VWA3B: variants seen among roughly 807,000 people sequenced by gnomAD.
VWA3B encodes von Willebrand factor A domain-containing protein 3B.
VWA3B carries 138 observed loss-of-function variants against 158.3 expected under a neutral mutation model. The observed-to-expected ratio is 0.87, with a 90% CI of 0.76 to 1.00. The LOEUF (loss-of-function observed/expected upper bound fraction) is 1.00. Ranked by LOEUF, VWA3B falls within the 50% of genes least tolerant of loss-of-function variation. The pLI, the probability that VWA3B is intolerant of heterozygous loss-of-function variation, is 0.00. For synonymous variants in VWA3B, 596 were observed against 587.3 expected, an observed-to-expected ratio of 1.01 and a Z score of -0.21; for missense variants, 1,555 against 1,565.1, an observed-to-expected ratio of 0.99 and a Z score of 0.11.
downstream of VWA3B, among the ~76,000 whole-genome samples, chr2:98,315,861 T>G: frequency 6.6e-6 from 1 of 152,212 alleles, no homozygotes; most frequent in East Asian, 1.9e-4. Flanking sequence ...ACGAAGGATA[T>G]AAATTTAATA....
At chr2:98,328,804 CA>C in the VWA3B span, among the ~76,000 whole-genome samples, 2,139 of 152,266 alleles carry the variant, frequency 0.014, 31 homozygotes, top group Non-Finnish European at 0.024. Flanking sequence ...ATAGTTCCAG[CA>C]GGTTTGTTGA....
intron 12 of VWA3B, among the ~76,000 whole-genome samples, chr2:98,210,705 T>C (rs535027739): frequency 1.3e-5 from 2 of 152,262 alleles, no homozygotes; most frequent in African/African-American, 4.8e-5. Context: ...TGGATCTTTG[T>C]CATTCCTTAG....
At position 98,300,191 on chromosome 2, in the gene VWA3B, C is replaced by G. The variant is rs1182112972; in HGVS notation, c.3395C>G (p.Thr1132Arg). 6.2e-7 allele frequency: 1 copy of G among 1,614,240 alleles called. No individual in the cohort carries two copies. The highest frequency in any genetic ancestry group is 8.5e-7 in the Non-Finnish European group (1 of 1,180,044). The change falls in exon 25 of 28, where the codon ACA (threonine) becomes AGA (arginine). Residue 1132 changes from threonine (T) to arginine (R), a missense_variant. Thr to Arg is a moderately conservative substitution (Grantham distance 71, BLOSUM62 -1). Transcript: ENST00000477737. ...CATGTGGCCACAGAAAAATTCTACA[C>G]AGTTTTGAAGTGTAACAACCGGAGA... is the stretch of plus-strand genomic sequence containing the variant. ...NKHVATEKFY[T>R]VLKCNNRREF... is the part of the protein sequence containing the mutation.
intron 8 of VWA3B, among the ~76,000 whole-genome samples, chr2:98,175,898 T>C (rs1679972730): frequency 6.6e-6 from 1 of 152,214 alleles, no homozygotes; most frequent in Admixed American, 6.5e-5. Flanking sequence ...ATTTCTTGGC[T>C]CCCCTGCAGT....
intron 25 of VWA3B, among the ~76,000 whole-genome samples, chr2:98,302,849 G>T (rs953148269): frequency 1.3e-5 from 2 of 152,192 alleles, no homozygotes; most frequent in Non-Finnish European, 2.9e-5. Flanking sequence ...CATGGGAAAT[G>T]AAATTTAGGG....
At chr2:98,248,933 C>T (rs1198486943) in intron 19 of VWA3B, among the ~76,000 whole-genome samples, 2 of 138,902 alleles carry the variant, frequency 1.4e-5, no homozygotes, top group African/African-American at 2.6e-5. Flanking sequence ...CCTTCCTTCC[C>T]TCTTTGTATT....
intron 14 of VWA3B, among the ~76,000 whole-genome samples, chr2:98,223,680 A>T (rs1338022528): frequency 1.3e-5 from 2 of 152,238 alleles, no homozygotes; most frequent in Non-Finnish European, 2.9e-5. Flanking sequence ...GTTTTCAAGT[A>T]TGAAAGGAAA....
In VWA3B at chr2:98,188,000, C is replaced by G; in HGVS notation, c.1337C>G (p.Ala446Gly). ...SAETNKKTVH[A>G]KYCSRFVHAP... Reference sequence around the variant, plus strand: ...GAGACGAACAAGAAGACAGTCCATGCAAAATATTGCAGCAGGTTTGTCCAT... The same window carrying G: ...GAGACGAACAAGAAGACAGTCCATGGAAAATATTGCAGCAGGTTTGTCCAT... The change falls in exon 10 of 28, where the codon GCA becomes GGA. Residue 446 changes from alanine (A) to glycine (G), a missense_variant. Transcript: ENST00000477737. 2 of 1,613,424 alleles carry G rather than the reference C, an allele frequency of 1.2e-6. No homozygotes were observed. The highest frequency in any genetic ancestry group is 1.7e-6 in the Non-Finnish European group (2 of 1,179,772).
At chr2:98,296,807 T>G (rs1689827817) in intron 23 of VWA3B, among the ~76,000 whole-genome samples, 2 of 152,134 alleles carry the variant, frequency 1.3e-5, no homozygotes, top group Admixed American at 1.3e-4. Flanking sequence ...TCAAGTCGGA[T>G]AAATTACAAA....
intron 1 of VWA3B, among the ~76,000 whole-genome samples, chr2:98,092,514 G>A (rs776441729): frequency 9.2e-5 from 14 of 151,850 alleles, no homozygotes; most frequent in South Asian, 2.1e-4. Context: ...ATGGTGGCAC[G>A]CGCCTGTAAT....
At chr2:98,097,446 A>G (rs1481886818) in intron 2 of VWA3B, among the ~76,000 whole-genome samples, 1 of 152,128 alleles carries the variant, frequency 6.6e-6, no homozygotes, top group Non-Finnish European at 1.5e-5. Context: ...TTCTTTTTTT[A>G]TGCCTGAGTA....
chr2:98,108,384 T>G (rs777651630), intron 2 of VWA3B, among the ~76,000 whole-genome samples: 3 of 152,238 alleles, frequency 2.0e-5, no homozygotes, highest in Non-Finnish European at 4.4e-5. Context: ...TGTTCATTGA[T>G]GGTGTTGAGT....
chr2:98,096,347 C>T (rs144728293), intron 2 of VWA3B, among the ~76,000 whole-genome samples: 11 of 152,220 alleles, frequency 7.2e-5, no homozygotes, highest in African/African-American at 2.2e-4. Flanking sequence ...TGGCTCACTG[C>T]AACCTCTGCC....
intron 10 of VWA3B, among the ~76,000 whole-genome samples, chr2:98,191,404 C>T (rs1681558955): frequency 6.6e-6 from 1 of 152,082 alleles, no homozygotes; most frequent in African/African-American, 2.4e-5. Context: ...TACTGGATGC[C>T]AGGCATTTTA....
At chr2:98,270,566 A>G (rs1688136147) in intron 21 of VWA3B, 116 bp from the exon 22 acceptor site, 1 of 1,053,250 alleles carries the variant, frequency 9.5e-7, no homozygotes, top group Non-Finnish European at 1.4e-6. Context: ...GCTTCAACAG[A>G]TGTTTCTCAG....
chr2:98,163,273 C>A (rs564232655), intron 8 of VWA3B, among the ~76,000 whole-genome samples: 2 of 152,332 alleles, frequency 1.3e-5, no homozygotes, highest in Non-Finnish European at 2.9e-5. Context: ...GGCGCGGTGG[C>A]TCACACCTGT....
At chr2:98,167,217 G>A (rs1679157614) in intron 8 of VWA3B, among the ~76,000 whole-genome samples, 1 of 152,182 alleles carries the variant, frequency 6.6e-6, no homozygotes, top group East Asian at 1.9e-4. Flanking sequence ...GCACATACAG[G>A]TCCATAGTAC....
chr2:98,257,266 C>T (rs1348077571), intron 21 of VWA3B, among the ~76,000 whole-genome samples: 1 of 152,050 alleles, frequency 6.6e-6, no homozygotes, highest in East Asian at 1.9e-4. Context: ...ATATTAAGTG[C>T]TGCAAATGAT....
intron 14 of VWA3B, among the ~76,000 whole-genome samples, chr2:98,223,569 G>C (rs1354465838): frequency 6.6e-6 from 1 of 151,948 alleles, no homozygotes; most frequent in Non-Finnish European, 1.5e-5. Context: ...GAAAATTAAA[G>C]ACAAAGAAAA....
Sources: allele counts gnomAD v4.1 joint callset (sites outside exome capture counted in the v4.1 genomes callset), GRCh38; gene constraint gnomAD v4.1.1; transcripts MANE v1.5; gene names NCBI Gene and HGNC (gene_info 2026-07-23, HGNC 2026-07-21).